Variants in H2BC5 observed in about 807,000 individuals in gnomAD.
H2BC5 encodes histone H2B type 1-D.
A neutral mutation model predicts 5.7 loss-of-function variants in H2BC5; 9 were observed. The ratio of observed to expected loss-of-function variants is 1.57; its 90% CI spans 0.95 to 2.74. H2BC5 has a LOEUF of 2.74. Among genes scored for constraint, H2BC5 ranks in the 30% most tolerant of loss-of-function variants. The pLI, the probability that H2BC5 is intolerant of heterozygous loss-of-function variation, is 0.00. For synonymous variants in H2BC5, 133 were observed against 70.9 expected (o/e 1.88, Z -4.40); for missense variants, 175 against 168.8 (o/e 1.04, Z -0.20).
chr6:26,170,268 C>T (rs1180074094), intron 1 of H2BC5, among the ~76,000 whole-genome samples: 2 of 152,204 alleles, frequency 1.3e-5, no homozygotes, highest in African/African-American at 4.8e-5. Context: ...GCCTCCCCTT[C>T]CAATCCTGAA....
In H2BC5 at chr6:26,166,709, T is replaced by G. The variant is rs1293836516; in HGVS notation, c.*10-4266T>G. 2.7e-3 allele frequency among the ~76,000 whole-genome samples: 393 copies of G among 146,770 alleles called. 6 individuals are homozygous for G. Among genetic ancestry groups the G allele is most frequent in the East Asian group, 0.01 (52 of 5,084 alleles). On this transcript the variant is annotated intron_variant, in intron 1 of 1. Transcript: ENST00000289316. ...ACTTTTGGCTTTTTTTTTTTTTTTT[T>G]TTTTTTTTGACACGGAGTCTTGTTC...
chr6:26,168,295 C>T (rs1465558851), intron 1 of H2BC5, among the ~76,000 whole-genome samples: 1 of 151,990 alleles, frequency 6.6e-6, no homozygotes, highest in Non-Finnish European at 1.5e-5. Context: ...CCCGTCTCTA[C>T]TAAAAATACA....
chr6:26,160,794 G>C (rs1004211816), downstream of H2BC5: 1 of 150,298 alleles, frequency 6.7e-6, no homozygotes, highest in Non-Finnish European at 1.5e-5. Context: ...GCGTGAACCC[G>C]GGAGGTGGAG....
rs187521067 is a variant in H2BC5 at position 26,167,567 on chromosome 6, A to C, written c.*10-3408A>C. On this transcript the variant is annotated intron_variant, in intron 1 of 1. Transcript: ENST00000289316. ...TACAAAAGTAAGTAAGCTGCTTAGA[A>C]GGCCCTGGAAGTGAGGAGAAGAGCC... is the stretch of plus-strand genomic sequence containing the variant. 2.8e-4 allele frequency among the ~76,000 whole-genome samples: 43 copies of C among 152,320 alleles called. No individual in the cohort carries two copies. In the East Asian group the frequency reaches 7.9e-3, roughly 28 times the overall value.
chr6:26,161,162 C>G (rs1367067040), downstream of H2BC5: 1 of 152,014 alleles, frequency 6.6e-6, no homozygotes, highest in Non-Finnish European at 1.5e-5. Flanking sequence ...GAGCCAAGAT[C>G]ACGCAATTGT....
intron 1 of H2BC5, chr6:26,164,149 C>A: frequency 2.3e-6 from 1 of 443,590 alleles, no homozygotes; most frequent in Non-Finnish European, 4.6e-6. Flanking sequence ...GTGAGGAGGC[C>A]AACCACAAGC....
chr6:26,168,541 A>C (rs1267394774), intron 1 of H2BC5, among the ~76,000 whole-genome samples: 1 of 152,154 alleles, frequency 6.6e-6, no homozygotes, highest in Non-Finnish European at 1.5e-5. Flanking sequence ...ACATAATTTA[A>C]AACCACTTTA....
At chr6:26,169,011 T>G (rs897920467) in intron 1 of H2BC5, among the ~76,000 whole-genome samples, 1 of 152,052 alleles carries the variant, frequency 6.6e-6, no homozygotes, top group African/African-American at 2.4e-5. Context: ...TAGAAAATAT[T>G]GCAGAGTATG....
At chr6:26,167,049 C>CTTTTTTTTTTTTTTTTTTTTTT (rs149341201) in intron 1 of H2BC5, among the ~76,000 whole-genome samples, 29 of 97,014 alleles carry the variant, frequency 3.0e-4, no homozygotes, top group East Asian at 6.7e-4. Context: ...TTTGTTTTCT[C>CTTTTTTTTTTTTTTTTTTTTTT]TTTTTTTTTT....
Position 26,158,327 on chromosome 6 carries a change from C to T in H2BC5, c.158C>T (p.Thr53Ile), listed in dbSNP as rs2113831055. The T allele has an allele frequency of 6.2e-7, 1 of 1,614,274 alleles. No individual in the cohort carries two copies. ...GTGCTGAAGCAGGTCCATCCCGACA[C>T]CGGCATCTCTTCCAAGGCAATGGGG... ...YKVLKQVHPDTGISSKAMGIM... is the reference protein window; with the variant it reads ...YKVLKQVHPDIGISSKAMGIM... Residue 53 changes from threonine to isoleucine, a missense_variant, in exon 1 of 1, where the codon ACC (threonine) becomes ATC (isoleucine). Transcript: ENST00000377777.
At chr6:26,163,859 C>T (rs1764383848) in intron 1 of H2BC5, among the ~76,000 whole-genome samples, 2 of 152,086 alleles carry the variant, frequency 1.3e-5, no homozygotes. Context: ...GCTTACTGCA[C>T]CTTGGAACTC....
At chr6:26,158,735 CAA>C (rs2113832017), downstream of H2BC5, 1 of 993,764 alleles carries the variant, frequency 1.0e-6, no homozygotes, top group African/African-American at 1.6e-5. Flanking sequence ...CAGGGAATAA[CAA>C]TAGGTACTAG....
chr6:26,158,159 T>TTAACGCTACGA lies in H2BC5; in HGVS notation c.-9_2dup. 8 of 1,611,032 alleles carry TTAACGCTACGA rather than the reference T, an allele frequency of 5.0e-6. No individual in the cohort carries two copies. Among genetic ancestry groups the TTAACGCTACGA allele is most frequent in the East Asian group, 2.2e-5 (1 of 44,876 alleles). The stretch of plus-strand genomic sequence containing the variant: ...GGTGTTTGCAACAGTGTTCTAACTA[T>TTAACGCTACGA]TAACGCTACGATGCCTGAACCTACC... On this transcript the variant is annotated 5_prime_UTR_variant, in exon 1 of 1. Coordinates refer to ENST00000377777, the MANE Select transcript of H2BC5 (RefSeq NM_021063.4).
downstream of H2BC5, among the ~76,000 whole-genome samples, chr6:26,159,388 T>C (rs1397137749): frequency 6.6e-6 from 1 of 151,470 alleles, no homozygotes; most frequent in African/African-American, 2.4e-5. Context: ...CCCTTTGCAG[T>C]ACAATTTATC....
intron 1 of H2BC5, among the ~76,000 whole-genome samples, chr6:26,163,832 G>A (rs992494951): frequency 6.6e-6 from 1 of 152,172 alleles, no homozygotes; most frequent in South Asian, 2.1e-4. Context: ...AGGCTGGAAT[G>A]CAGGGACCTG....
At chr6:26,161,797 G>A (rs575242299), downstream of H2BC5, among the ~76,000 whole-genome samples, 1 of 152,078 alleles carries the variant, frequency 6.6e-6, no homozygotes, top group African/African-American at 2.4e-5. Context: ...TAAATGAAAA[G>A]AGACCTAGAA....
Position 26,158,160 on chromosome 6 carries a change from T to C in H2BC5, c.-10T>C. The C allele has an allele frequency of 6.2e-7, 1 of 1,611,052 alleles. No homozygotes were observed. ...GTGTTTGCAACAGTGTTCTAACTAT[T>C]AACGCTACGATGCCTGAACCTACCA... On this transcript the variant is annotated 5_prime_UTR_variant, in exon 1 of 1. Coordinates refer to ENST00000377777, the MANE Select transcript of H2BC5 (RefSeq NM_021063.4).
rs779562726 is a variant in H2BC5, at chr6:26,158,348, T to C, written c.179T>C (p.Met60Thr). 6.2e-7 allele frequency: 1 copy of C among 1,614,230 alleles called. No individual in the cohort carries two copies. The highest frequency in any genetic ancestry group is 1.1e-5 in the South Asian group (1 of 91,084). Reference sequence around the variant, plus strand: ...GACACCGGCATCTCTTCCAAGGCAATGGGGATCATGAATTCCTTCGTCAAC... The same window carrying C: ...GACACCGGCATCTCTTCCAAGGCAACGGGGATCATGAATTCCTTCGTCAAC... ...HPDTGISSKAMGIMNSFVNDI... is the reference protein window; with the variant it reads ...HPDTGISSKATGIMNSFVNDI... Residue 60 changes from methionine (M) to threonine (T), a missense_variant, in exon 1 of 1, where the codon ATG becomes ACG. Around this residue, in one of 4 missense-constraint regions of H2BC5, gnomAD observed 119 missense variants for 85.6 expected, o/e 1.39. Transcript: ENST00000377777.
chr6:26,167,049 C>CTTTTTTTTTTTTTTTTT (rs149341201), intron 1 of H2BC5, among the ~76,000 whole-genome samples: 252 of 97,000 alleles, frequency 2.6e-3, no homozygotes, highest in East Asian at 5.1e-3. Flanking sequence ...TTTGTTTTCT[C>CTTTTTTTTTTTTTTTTT]TTTTTTTTTT....
Sources: gnomAD v4.1 joint callset for allele counts (sites outside exome capture counted in the v4.1 genomes callset) on GRCh38, gnomAD v4.1.1 for gene constraint, gnomAD v4.1.1 regional missense constraint, MANE v1.5 for transcripts, NCBI Gene and HGNC (gene_info 2026-07-23, HGNC 2026-07-21) for gene names.